Variants in TRIM62 observed in about 807,000 individuals in gnomAD.
The protein encoded by TRIM62 is E3 ubiquitin-protein ligase TRIM62.
TRIM62 carries 39 observed loss-of-function variants against 44.2 expected under a neutral mutation model. The observed-to-expected ratio is 0.88, with a 90% CI of 0.68 to 1.15. TRIM62 has a LOEUF of 1.15. TRIM62 is among the 50% of genes most tolerant of loss of function. The probability of loss-of-function intolerance (pLI) is 0.00; values close to 1 mark genes in which losing one functional copy is unlikely to be tolerated. For synonymous variants in TRIM62, 278 were observed against 292.3 expected (o/e 0.95, Z 0.50); for missense variants, 544 against 665.5 (o/e 0.82, Z 2.01).
intron 4 of TRIM62, 91 bp downstream of exon 4, chr1:33,158,162 C>T: frequency 8.3e-7 from 1 of 1,204,398 alleles, no homozygotes; most frequent in Non-Finnish European, 1.2e-6. Flanking sequence ...CTCATTCACC[C>T]CAACTGCCCC....
chr1:33,178,716 C>T (rs771456058), intron 1 of TRIM62, among the ~76,000 whole-genome samples: 5 of 152,244 alleles, frequency 3.3e-5, no homozygotes, highest in African/African-American at 7.2e-5. Flanking sequence ...ACAGTGCCCA[C>T]AGCAGGTTTG....
chr1:33,155,502 C>T (rs1645165708), intron 4 of TRIM62, among the ~76,000 whole-genome samples: 1 of 152,110 alleles, frequency 6.6e-6, no homozygotes, highest in Non-Finnish European at 1.5e-5. Context: ...GAGCCTTGGT[C>T]TCCCCAGCCT....
intron 4 of TRIM62, among the ~76,000 whole-genome samples, chr1:33,150,463 G>C (rs1645081021): frequency 6.6e-6 from 1 of 152,256 alleles, no homozygotes; most frequent in Non-Finnish European, 1.5e-5. Context: ...TCTTTGCCAG[G>C]AGTAAGTTTA....
At chr1:33,152,122 CAGAAG>C (rs1645107639) in intron 4 of TRIM62, among the ~76,000 whole-genome samples, 1 of 152,208 alleles carries the variant, frequency 6.6e-6, no homozygotes, top group Non-Finnish European at 1.5e-5. Flanking sequence ...AGCCATTTTT[CAGAAG>C]AGGAGACTGA....
chr1:33,147,777 A>G lies in TRIM62; in HGVS notation c.878-50T>C. On this transcript the variant is annotated intron_variant, in intron 4 of 4. Transcript: ENST00000291416. The surrounding 1 kb of genome is among the most constrained non-coding windows in gnomAD (Gnocchi z 8.1). Reference sequence around the variant, plus strand: ...AAGATGAGTGGGGAGAAGGCTGTGGACCCACCATGCAGTGCCTTCCTGAGG... The same window carrying G: ...AAGATGAGTGGGGAGAAGGCTGTGGGCCCACCATGCAGTGCCTTCCTGAGG... 1 of 1,571,860 alleles carries G rather than the reference A, an allele frequency of 6.4e-7. No individual in the cohort carries two copies. Among genetic ancestry groups the G allele is most frequent in the South Asian group, 1.2e-5 (1 of 84,600 alleles).
In TRIM62 at chr1:33,165,572, A is replaced by G; in HGVS notation, c.409-6T>C. ...AGTTGGTCCTTCAGCTCCCTCTGAA[A>G]CACACACAGGGCCGGGATGGGGGCA... On this transcript the variant is annotated splice_polypyrimidine_tract_variant and splice_region_variant and intron_variant, in intron 1 of 4. Transcript: ENST00000291416. The surrounding 1 kb of genome is among the most constrained non-coding windows in gnomAD (Gnocchi z 4.0). The G allele has an allele frequency of 6.2e-7, 1 of 1,603,424 alleles. No homozygotes were observed. The highest frequency in any genetic ancestry group is 8.5e-7 in the Non-Finnish European group (1 of 1,173,930).
At chr1:33,176,383 C>T in intron 1 of TRIM62, 1 of 684,298 alleles carries the variant, frequency 1.5e-6, no homozygotes, top group Non-Finnish European at 2.7e-6. Context: ...GCCTTGGTGT[C>T]ACTGGATCAC....
intron 4 of TRIM62, among the ~76,000 whole-genome samples, chr1:33,156,145 GT>G (rs1263967072): frequency 9.8e-5 from 15 of 152,326 alleles, no homozygotes; most frequent in African/African-American, 3.6e-4. Context: ...AGTCAAGACT[GT>G]CACTCCTGCA....
chr1:33,157,059 G>C (rs1253038002), intron 4 of TRIM62, among the ~76,000 whole-genome samples: 1 of 150,692 alleles, frequency 6.6e-6, no homozygotes, highest in East Asian at 2.0e-4. Flanking sequence ...CAACCCACTA[G>C]CCAAAGGGAT....
intron 4 of TRIM62, among the ~76,000 whole-genome samples, chr1:33,148,525 G>T (rs186250573): frequency 6.6e-6 from 1 of 152,162 alleles, no homozygotes; most frequent in African/African-American, 2.4e-5. Flanking sequence ...AGGCAGGATG[G>T]TGTTTTACCT....
intron 4 of TRIM62, among the ~76,000 whole-genome samples, chr1:33,152,079 C>T (rs1645106609): frequency 6.6e-6 from 1 of 152,230 alleles, no homozygotes; most frequent in Admixed American, 6.5e-5. Flanking sequence ...CTCATGGGAG[C>T]ACCACGACAG....
In TRIM62 at chr1:33,147,262, T is replaced by C; in HGVS notation, c.1343A>G (p.Lys448Arg). The C allele has an allele frequency of 6.2e-7, 1 of 1,614,114 alleles. No individual in the cohort carries two copies. Among genetic ancestry groups the C allele is most frequent in the Non-Finnish European group, 8.5e-7 (1 of 1,180,036 alleles). Residue 448 changes from lysine to arginine, a missense_variant, in exon 5 of 5, where the codon AAG (lysine) becomes AGG (arginine). Transcript: ENST00000291416. The surrounding 1 kb of genome is among the most constrained non-coding windows in gnomAD (Gnocchi z 8.1). ...LYTFREKFPG[K>R]LCSYFSPGQS... is the part of the protein sequence containing the mutation. ...GCCAGGGCTGAAGTAAGAGCAGAGC[T>C]TGCCAGGGAACTTCTCGCGGAAGGT... is the stretch of plus-strand genomic sequence containing the variant.
chr1:33,160,323 G>T (rs1645247238), intron 2 of TRIM62, among the ~76,000 whole-genome samples: 1 of 152,110 alleles, frequency 6.6e-6, no homozygotes, highest in Admixed American at 6.5e-5. Flanking sequence ...TAGGAGGGAT[G>T]AGGGAGCTGG....
intron 1 of TRIM62, among the ~76,000 whole-genome samples, chr1:33,180,485 C>T (rs144288343): frequency 3.9e-4 from 60 of 152,304 alleles, no homozygotes; most frequent in African/African-American, 1.3e-3. Flanking sequence ...GTTTCACCCT[C>T]ACCTGTCCAG....
intron 1 of TRIM62, among the ~76,000 whole-genome samples, chr1:33,178,756 T>C (rs1645439996): frequency 6.6e-6 from 1 of 152,214 alleles, no homozygotes; most frequent in Admixed American, 6.5e-5. Flanking sequence ...CCCACAACAG[T>C]GCACTAGAGA....
At chr1:33,152,107 G>T (rs1645107381) in intron 4 of TRIM62, among the ~76,000 whole-genome samples, 2 of 152,224 alleles carry the variant, frequency 1.3e-5, no homozygotes, top group African/African-American at 4.8e-5. Flanking sequence ...GGCACAAATT[G>T]TTCTAGCCAT....
chr1:33,160,093 G>C, intron 2 of TRIM62, 149 bp from the exon 3 acceptor site: 3 of 1,042,856 alleles, frequency 2.9e-6, no homozygotes, highest in Non-Finnish European at 4.1e-6. Flanking sequence ...GCAAAAGCAT[G>C]GTGGTAGGAA....
intron 4 of TRIM62, among the ~76,000 whole-genome samples, chr1:33,157,368 C>T (rs951885533): frequency 6.6e-6 from 1 of 152,096 alleles, no homozygotes; most frequent in Non-Finnish European, 1.5e-5. Context: ...CACTCTTCCT[C>T]CAGATACCTA....
rs1645427410 is a variant in TRIM62, at chr1:33,177,088, CAA to C, written c.408+3935_408+3936del. Among the ~76,000 whole-genome samples the C allele has an allele frequency of 6.6e-6, 1 of 150,510 alleles. No individual in the cohort carries two copies. Among genetic ancestry groups the C allele is most frequent in the Non-Finnish European group, 1.5e-5 (1 of 67,596 alleles). On this transcript the variant is annotated intron_variant, in intron 1 of 4. Transcript: ENST00000291416. The surrounding 1 kb of genome is among the most constrained non-coding windows in gnomAD (Gnocchi z 4.1). ...ACATGCACACACACACATGCATGCA[CAA>C]ATGCACACACATGCACACACACATG... is the stretch of plus-strand genomic sequence containing the variant.
Sources: gnomAD v4.1 joint callset for allele counts (sites outside exome capture counted in the v4.1 genomes callset) on GRCh38, gnomAD v4.1.1 for gene constraint, Gnocchi (gnomAD v3.1) non-coding constraint, MANE v1.5 for transcripts, NCBI Gene and HGNC (gene_info 2026-07-23, HGNC 2026-07-21) for gene names.